Variants in MCU observed in about 807,000 individuals in gnomAD.
The protein encoded by MCU is mitochondrial calcium uniporter.
A neutral mutation model predicts 45.2 loss-of-function variants in MCU; 12 were observed. That is an observed-to-expected ratio of 0.27 (90% confidence interval 0.17 to 0.43). The LOEUF (loss-of-function observed/expected upper bound fraction) is 0.43. Ranked by LOEUF, MCU falls within the 20% of genes least tolerant of loss-of-function variation. The pLI is 1.00. For missense variants in MCU, 324 were observed against 436.7 expected (o/e 0.74, Z 2.30); for synonymous variants, 160 against 165.1 (o/e 0.97, Z 0.24).
chr10:72,778,733 A>G (rs1843939351), intron 1 of MCU, among the ~76,000 whole-genome samples: 1 of 152,206 alleles, frequency 6.6e-6, no homozygotes, highest in South Asian at 2.1e-4. Flanking sequence ...ATATTTGACT[A>G]ACTGGTCAAA....
rs996878641 is a variant in MCU at position 72,860,617 on chromosome 10, CAG to C, written c.496+92_496+93del. ...TTTTTCCTTGGGTAACCTTGAGAAACAGACAGTATTCAAAGAACACTGAAAGT... is the reference window on the plus strand; with the variant it reads ...TTTTTCCTTGGGTAACCTTGAGAAACACAGTATTCAAAGAACACTGAAAGT... On this transcript the variant is annotated intron_variant, in intron 4 of 7. Transcript: ENST00000373053. 12 of 976,384 alleles carry C rather than the reference CAG, an allele frequency of 1.2e-5. No individual in the cohort carries two copies. In the African/African-American group the frequency reaches 1.6e-4, roughly 13 times the overall value. 60.5% of individuals were successfully genotyped at this position (976,384 alleles called of 1,614,324 possible).
At position 72,887,433 on chromosome 10, in the gene MCU, C is replaced by T. The variant is rs2132911491; in HGVS notation, c.*1611C>T. On this transcript the variant is annotated 3_prime_UTR_variant, in exon 8 of 8. Coordinates refer to ENST00000373053, the MANE Select transcript of MCU (RefSeq NM_138357.3). ...ACCACCCCCAGTCGTCAGCTCCTTC[C>T]CTCATTTATTTTTGTTAAGTTGTGT... 6.5e-6 allele frequency: 1 copy of T among 152,902 alleles called. No homozygotes were observed. The allele number at this position is 152,902 out of a possible 1,614,324, so 9.5% of individuals were successfully genotyped here. A position where few individuals can be genotyped will look rare whatever the true frequency, so the allele number is the denominator to read the frequency against.
intron 1 of MCU, among the ~76,000 whole-genome samples, chr10:72,714,415 A>T (rs1180631897): frequency 8.5e-5 from 11 of 129,960 alleles, no homozygotes. Flanking sequence ...CTGGCCTTGA[A>T]TTCCTGGGCT....
At chr10:72,725,041 T>C (rs900023597) in intron 1 of MCU, among the ~76,000 whole-genome samples, 1 of 152,092 alleles carries the variant, frequency 6.6e-6, no homozygotes, top group African/African-American at 2.4e-5. Context: ...CTTACTCTCC[T>C]GAGCCTCGAC....
intron 1 of MCU, among the ~76,000 whole-genome samples, chr10:72,770,016 A>T (rs1843782104): frequency 6.6e-6 from 1 of 151,974 alleles, no homozygotes; most frequent in African/African-American, 2.4e-5. Context: ...TCATCTCAAA[A>T]TCGTTTTCTA....
intron 4 of MCU, among the ~76,000 whole-genome samples, chr10:72,862,454 TG>T (rs1488532584): frequency 6.6e-6 from 1 of 152,072 alleles, no homozygotes; most frequent in Non-Finnish European, 1.5e-5. Context: ...CCACTGACAG[TG>T]GGGGCGGGGG....
intron 1 of MCU, among the ~76,000 whole-genome samples, chr10:72,818,821 A>G (rs143274939): frequency 9.3e-5 from 14 of 150,648 alleles, no homozygotes; most frequent in African/African-American, 3.5e-4. Flanking sequence ...AGCCTGGGCA[A>G]CAAGAGCAAA....
At chr10:72,841,732 T>G (rs1298350455) in intron 2 of MCU, among the ~76,000 whole-genome samples, 1 of 152,248 alleles carries the variant, frequency 6.6e-6, no homozygotes, top group Non-Finnish European at 1.5e-5. Context: ...TTCATTGCTT[T>G]TCTTTCACTG....
intron 4 of MCU, 58 bp from the exon 5 acceptor site, chr10:72,868,642 GTCC>G: frequency 6.7e-7 from 1 of 1,501,544 alleles, no homozygotes; most frequent in Non-Finnish European, 9.2e-7. Context: ...TCATCTGATA[GTCC>G]CAGGAATAGC....
intron 1 of MCU, among the ~76,000 whole-genome samples, chr10:72,700,116 A>G (rs954964472): frequency 2.0e-5 from 3 of 147,914 alleles, no homozygotes; most frequent in East Asian, 2.0e-4. Context: ...CTGGAGTGCA[A>G]TGGTGTGATC....
At chr10:72,740,081 A>G (rs1843305502) in intron 1 of MCU, among the ~76,000 whole-genome samples, 1 of 151,608 alleles carries the variant, frequency 6.6e-6, no homozygotes, top group Admixed American at 6.6e-5. Flanking sequence ...TCTGTGGCCA[A>G]CTGTAAAAAG....
chr10:72,751,984 C>T (rs936616196), intron 1 of MCU, among the ~76,000 whole-genome samples: 7 of 151,802 alleles, frequency 4.6e-5, no homozygotes, highest in Non-Finnish European at 8.8e-5. Flanking sequence ...GGACTACAGG[C>T]ACCCGCCACC....
intron 4 of MCU, 144 bp downstream of exon 4, chr10:72,860,671 G>C (rs1589500936): frequency 2.6e-5 from 16 of 608,952 alleles, no homozygotes; most frequent in Middle Eastern, 3.5e-4. Context: ...CACTATTTCA[G>C]TTGAAGAGCT....
At chr10:72,733,428 G>A (rs1019009219) in intron 1 of MCU, among the ~76,000 whole-genome samples, 2 of 152,138 alleles carry the variant, frequency 1.3e-5, no homozygotes, top group Non-Finnish European at 2.9e-5. Flanking sequence ...TTGCCCTTCA[G>A]CCTGGGCGAC....
intron 2 of MCU, among the ~76,000 whole-genome samples, chr10:72,854,825 A>G (rs1303854847): frequency 6.6e-6 from 1 of 152,242 alleles, no homozygotes; most frequent in African/African-American, 2.4e-5. Flanking sequence ...CTGCTTTTGC[A>G]CCACAGTAAC....
intron 1 of MCU, among the ~76,000 whole-genome samples, chr10:72,774,547 T>C (rs1843861265): frequency 6.6e-6 from 1 of 152,120 alleles, no homozygotes; most frequent in African/African-American, 2.4e-5. Context: ...TCCTTACTTA[T>C]TAATAATAAC....
intron 1 of MCU, among the ~76,000 whole-genome samples, chr10:72,805,107 C>CTT (rs1211564267): frequency 6.4e-5 from 7 of 109,762 alleles, no homozygotes; most frequent in African/African-American, 2.6e-4. Context: ...CTTTCTCTTT[C>CTT]TTTCTTTCTT....
intron 6 of MCU, among the ~76,000 whole-genome samples, chr10:72,876,510 A>G (rs1845618094): frequency 6.6e-6 from 1 of 152,204 alleles, no homozygotes; most frequent in Non-Finnish European, 1.5e-5. Context: ...ATTACTAGAG[A>G]GAAAGCATGT....
chr10:72,801,136 A>G (rs1458004600), intron 1 of MCU, among the ~76,000 whole-genome samples: 1 of 152,168 alleles, frequency 6.6e-6, no homozygotes, highest in Non-Finnish European at 1.5e-5. Context: ...CAAAAATTTT[A>G]GTGTATTTTC....
Sources: gnomAD v4.1 joint callset for allele counts (sites outside exome capture counted in the v4.1 genomes callset) on GRCh38, gnomAD v4.1.1 for gene constraint, MANE v1.5 for transcripts, NCBI Gene and HGNC (gene_info 2026-07-23, HGNC 2026-07-21) for gene names.